PTPRD: variants seen among roughly 807,000 people sequenced by gnomAD.
PTPRD encodes receptor-type tyrosine-protein phosphatase delta.
A neutral mutation model predicts 214.5 loss-of-function variants in PTPRD; 34 were observed. That is an observed-to-expected ratio of 0.16 (90% confidence interval 0.12 to 0.21). The LOEUF is 0.21. Among genes scored for constraint, PTPRD ranks in the 10% least tolerant of loss-of-function variants. PTPRD has a pLI of 1.00. For synonymous variants in PTPRD, 1,128 were observed against 845.7 expected (o/e 1.33, Z -5.79); for missense variants, 2,545 against 2,398.7 (o/e 1.06, Z -1.27).
intron 36 of PTPRD, among the ~76,000 whole-genome samples, chr9:8,389,687 T>A (rs1012962178): frequency 6.6e-6 from 1 of 152,142 alleles, no homozygotes; most frequent in African/African-American, 2.4e-5. Context: ...TTGTTGGTTT[T>A]CTCTGTTGCA....
intron 3 of PTPRD, among the ~76,000 whole-genome samples, chr9:10,096,495 A>G (rs930959632): frequency 6.6e-6 from 1 of 151,876 alleles, no homozygotes; most frequent in African/African-American, 2.4e-5. Context: ...GCCAGTGATG[A>G]TGAGCATTTT....
intron 3 of PTPRD, among the ~76,000 whole-genome samples, chr9:10,062,692 C>T (rs78706306): frequency 0.05 from 7,269 of 145,616 alleles, 481 homozygotes; most frequent in African/African-American, 0.17. Flanking sequence ...AGGTACCCTA[C>T]TTAGGAAAGT....
intron 11 of PTPRD, among the ~76,000 whole-genome samples, chr9:8,974,733 G>GTAAT (rs1276172959): frequency 4.6e-5 from 7 of 151,884 alleles, no homozygotes; most frequent in Non-Finnish European, 8.8e-5. Context: ...GATGCAGACA[G>GTAAT]TAATAGTATA....
intron 4 of PTPRD, among the ~76,000 whole-genome samples, chr9:9,973,690 G>C (rs866418534): frequency 6.6e-5 from 10 of 152,238 alleles, no homozygotes; most frequent in African/African-American, 1.7e-4. Context: ...TCTTCTGTGG[G>C]AATTTTAGAG....
chr9:9,323,967 G>C (rs375407100), intron 9 of PTPRD, among the ~76,000 whole-genome samples: 19 of 152,106 alleles, frequency 1.2e-4, no homozygotes, highest in African/African-American at 4.1e-4. Context: ...GTGACAGTTT[G>C]CTCAGAATGA....
chr9:9,072,050 C>T (rs113409480), intron 10 of PTPRD, among the ~76,000 whole-genome samples: 11 of 152,200 alleles, frequency 7.2e-5, no homozygotes, highest in African/African-American at 2.6e-4. Context: ...TTTCCTCAGG[C>T]AGTGATTTGC....
chr9:10,519,042 C>A (rs1278085405), intron 2 of PTPRD, among the ~76,000 whole-genome samples: 1 of 151,726 alleles, frequency 6.6e-6, no homozygotes, highest in African/African-American at 2.4e-5. Flanking sequence ...TACCTTTTGC[C>A]TCCCAGCTTT....
At chr9:9,853,724 T>C (rs538847012) in intron 5 of PTPRD, among the ~76,000 whole-genome samples, 1 of 152,064 alleles carries the variant, frequency 6.6e-6, no homozygotes, top group African/African-American at 2.4e-5. Context: ...AATGTTTGTA[T>C]TTTTAGTAGA....
At chr9:10,469,931 A>T (rs2099019232) in intron 2 of PTPRD, among the ~76,000 whole-genome samples, 1 of 151,046 alleles carries the variant, frequency 6.6e-6, no homozygotes. Flanking sequence ...GTACTCACTC[A>T]TATGTGAGAG....
intron 3 of PTPRD, among the ~76,000 whole-genome samples, chr9:10,075,660 T>G (rs2098120689): frequency 1.3e-5 from 2 of 151,774 alleles, no homozygotes; most frequent in South Asian, 4.2e-4. Flanking sequence ...TTTTTTCATC[T>G]TTGTTTCTCT....
intron 11 of PTPRD, among the ~76,000 whole-genome samples, chr9:8,788,637 T>C (rs1015583934): frequency 4.6e-5 from 7 of 151,430 alleles, no homozygotes; most frequent in East Asian, 3.9e-4. Context: ...GGAAAAGTTA[T>C]GGAGGAAAAT....
At chr9:9,037,589 C>G (rs924017203) in intron 10 of PTPRD, among the ~76,000 whole-genome samples, 2 of 152,068 alleles carry the variant, frequency 1.3e-5, no homozygotes, top group Non-Finnish European at 2.9e-5. Context: ...GGATTCTTTA[C>G]CAGGAGAGAT....
intron 9 of PTPRD, among the ~76,000 whole-genome samples, chr9:9,204,059 C>T (rs1444443686): frequency 6.6e-6 from 1 of 152,096 alleles, no homozygotes; most frequent in Non-Finnish European, 1.5e-5. Flanking sequence ...CTTTCTGGGT[C>T]AACTTAGACT....
intron 8 of PTPRD, among the ~76,000 whole-genome samples, chr9:9,526,557 T>G (rs2074169963): frequency 6.6e-6 from 1 of 152,182 alleles, no homozygotes; most frequent in Non-Finnish European, 1.5e-5. Flanking sequence ...CATCTAATCT[T>G]GAGGAATGAT....
intron 2 of PTPRD, among the ~76,000 whole-genome samples, chr9:10,541,406 A>G (rs2059079223): frequency 6.6e-6 from 1 of 152,162 alleles, no homozygotes; most frequent in Non-Finnish European, 1.5e-5. Flanking sequence ...ACATTATTTC[A>G]TTTAATCATA....
At chr9:9,759,970 C>G (rs2098636890) in intron 6 of PTPRD, among the ~76,000 whole-genome samples, 2 of 152,136 alleles carry the variant, frequency 1.3e-5, no homozygotes, top group African/African-American at 4.8e-5. Flanking sequence ...TCTCCTCTAA[C>G]CTGGTGTTGT....
intron 8 of PTPRD, among the ~76,000 whole-genome samples, chr9:9,437,423 T>G (rs923192720): frequency 4.0e-5 from 5 of 125,204 alleles, no homozygotes; most frequent in African/African-American, 1.3e-4. Flanking sequence ...TGATGCCCCC[T>G]GAGAGTAATG....
chr9:9,822,142 G>C (rs1442662835), intron 5 of PTPRD, among the ~76,000 whole-genome samples: 1 of 151,006 alleles, frequency 6.6e-6, no homozygotes, highest in African/African-American at 2.4e-5. Context: ...GCTGGATGTG[G>C]TGGCTCACTC....
chr9:10,501,747 C>T (rs151230760), intron 2 of PTPRD, among the ~76,000 whole-genome samples: 1 of 152,066 alleles, frequency 6.6e-6, no homozygotes, highest in African/African-American at 2.4e-5. Flanking sequence ...TAGAGTGGGA[C>T]TTTAAGTATT....
Sources: allele counts gnomAD v4.1 joint callset (sites outside exome capture counted in the v4.1 genomes callset), GRCh38; gene constraint gnomAD v4.1.1; transcripts MANE v1.5; gene names NCBI Gene and HGNC (gene_info 2026-07-23, HGNC 2026-07-21).